PLEKHH1: variants seen among roughly 807,000 people sequenced by gnomAD.
PLEKHH1 encodes the protein pleckstrin homology domain-containing family H member 1.
Under a neutral mutation model 160.0 loss-of-function variants are expected in PLEKHH1, and 104 were observed. The observed-to-expected ratio is 0.65, with a 90% CI of 0.55 to 0.76. PLEKHH1 has a LOEUF of 0.76. Among genes scored for constraint, PLEKHH1 ranks in the 30% least tolerant of loss-of-function variants. The pLI is 0.00. For synonymous variants in PLEKHH1, 619 were observed against 678.4 expected (o/e 0.91, Z 1.36); for missense variants, 1,427 against 1,724.1 (o/e 0.83, Z 3.05).
chr14:67,536,048 G>C lies in PLEKHH1; in HGVS notation c.-35+2650G>C, dbSNP rs573478803. Among the ~76,000 whole-genome samples, 22 of 152,326 alleles carry C rather than the reference G, an allele frequency of 1.4e-4. No individual in the cohort carries two copies. In the South Asian group the frequency reaches 4.6e-3, roughly 32 times the overall value. On this transcript the variant is annotated intron_variant, in intron 1 of 28. Transcript: ENST00000329153. Reference sequence around the variant, plus strand: ...TTCAAACCCAGGCCTGTCAGTGCCAGAGCATGGGATCTTAGGTACTAAGCT... The same window carrying C: ...TTCAAACCCAGGCCTGTCAGTGCCACAGCATGGGATCTTAGGTACTAAGCT...
chr14:67,566,772 G>A (rs186838203), intron 7 of PLEKHH1, among the ~76,000 whole-genome samples: 1 of 151,102 alleles, frequency 6.6e-6, no homozygotes, highest in East Asian at 2.0e-4. Flanking sequence ...AAAAGAGTGG[G>A]TCTTCTCTAT....
chr14:67,572,317 TGCA>T, intron 11 of PLEKHH1, 40 bp downstream of exon 11: 1 of 1,521,300 alleles, frequency 6.6e-7, no homozygotes, highest in Non-Finnish European at 8.8e-7. Flanking sequence ...GGAAGCAGAA[TGCA>T]GCAGAGGCTG....
intron 1 of PLEKHH1, among the ~76,000 whole-genome samples, chr14:67,539,233 T>G (rs1387316800): frequency 1.3e-5 from 2 of 152,172 alleles, no homozygotes; most frequent in Non-Finnish European, 2.9e-5. Context: ...CAAGGTTCTG[T>G]TTTGTCTTTT....
chr14:67,564,577 C>G (rs1438907356), intron 7 of PLEKHH1, among the ~76,000 whole-genome samples: 1 of 152,102 alleles, frequency 6.6e-6, no homozygotes, highest in African/African-American at 2.4e-5. Flanking sequence ...CCTACTTCAG[C>G]CTTCTAAGTA....
At chr14:67,554,415 G>T (rs1370249541) in intron 2 of PLEKHH1, among the ~76,000 whole-genome samples, 3 of 152,208 alleles carry the variant, frequency 2.0e-5, no homozygotes, top group Non-Finnish European at 1.5e-5. Flanking sequence ...AACTTGGGAA[G>T]TGAGGGGCAC....
chr14:67,568,797 T>G (rs2035232282), intron 7 of PLEKHH1, among the ~76,000 whole-genome samples: 1 of 151,996 alleles, frequency 6.6e-6, no homozygotes, highest in Non-Finnish European at 1.5e-5. Context: ...AGAGCAACAG[T>G]TTACTGACCC....
At chr14:67,585,248 T>A (rs896592610) in intron 26 of PLEKHH1, 2 of 228,140 alleles carry the variant, frequency 8.8e-6, no homozygotes, top group Non-Finnish European at 1.7e-5. Flanking sequence ...CAGCTAGGGC[T>A]GGCCTCTATT....
rs764026420 is a variant in PLEKHH1, at chr14:67,549,293, CAG to C, written c.127-6529_127-6528del. 9.8e-4 allele frequency among the ~76,000 whole-genome samples: 145 copies of C among 148,244 alleles called. 1 individual carries two copies. Among genetic ancestry groups the C allele is most frequent in the Admixed American group, 2.9e-3 (43 of 14,738 alleles). On this transcript the variant is annotated intron_variant, in intron 2 of 28. Transcript: ENST00000329153. Reference sequence around the variant, plus strand: ...TTTTAATTTTTTTTTTTTTTTGAGACAGAGTCTCACTTTGTCACCTAGGCTGG... The same window carrying C: ...TTTTAATTTTTTTTTTTTTTTGAGACAGTCTCACTTTGTCACCTAGGCTGG...
intron 9 of PLEKHH1, chr14:67,571,389 C>A (rs1252136048): frequency 4.8e-6 from 1 of 209,674 alleles, no homozygotes; most frequent in Non-Finnish European, 9.9e-6. Flanking sequence ...GAGATGCAAT[C>A]ATTGATTGTT....
At chr14:67,575,575 A>G in intron 15 of PLEKHH1, 103 bp downstream of exon 15, 1 of 801,218 alleles carries the variant, frequency 1.2e-6, no homozygotes, top group Non-Finnish European at 2.2e-6. Context: ...GTAACCCCAC[A>G]ATAAATACAA....
At position 67,587,251 on chromosome 14, in the gene PLEKHH1, G is replaced by A. The variant is rs781434020; in HGVS notation, c.*16G>A. The A allele has an allele frequency of 2.0e-5, 32 of 1,613,062 alleles. No individual in the cohort carries two copies. The African/African-American group carries it at 2.9e-4, about 15-fold the overall frequency. On this transcript the variant is annotated 3_prime_UTR_variant, in exon 29 of 29. Transcript: ENST00000329153. ...GTTGCTGTGAATATTTCTCCTACCC[G>A]ATTCCCCAACACCACTAGTGCCTCT...
chr14:67,581,823 T>C (rs2035915137), intron 23 of PLEKHH1: 1 of 449,318 alleles, frequency 2.2e-6, no homozygotes, highest in Non-Finnish European at 4.1e-6. Context: ...CCTTACTAAA[T>C]CCAGTAAGCT....
intron 9 of PLEKHH1, 101 bp downstream of exon 9, chr14:67,570,113 A>C: frequency 2.4e-6 from 2 of 849,564 alleles, no homozygotes; most frequent in South Asian, 2.9e-5. Context: ...GCTTCTGCAC[A>C]TGGTGACCCT....
intron 4 of PLEKHH1, among the ~76,000 whole-genome samples, chr14:67,558,595 A>T (rs901967230): frequency 6.6e-6 from 1 of 152,182 alleles, no homozygotes; most frequent in Non-Finnish European, 1.5e-5. Flanking sequence ...GGTCAGAAAA[A>T]AGGTCATTTT....
intron 9 of PLEKHH1, 48 bp from the exon 10 acceptor site, chr14:67,571,704 G>C: frequency 6.3e-7 from 1 of 1,593,810 alleles, no homozygotes; most frequent in Non-Finnish European, 8.6e-7. Context: ...GTTGGGAGAG[G>C]ACTGTTTTGC....
At chr14:67,550,193 A>AT (rs367843292) in intron 2 of PLEKHH1, among the ~76,000 whole-genome samples, 1 of 150,026 alleles carries the variant, frequency 6.7e-6, no homozygotes, top group African/African-American at 2.4e-5. Flanking sequence ...TTGTCTTTAT[A>AT]TTTTTTATTT....
At chr14:67,585,316 A>G (rs964619227) in intron 26 of PLEKHH1, 5 of 470,286 alleles carry the variant, frequency 1.1e-5, no homozygotes, top group Non-Finnish European at 1.9e-5. Context: ...TAGGGACATC[A>G]AAAGAATGAT....
chr14:67,550,846 T>C (rs971534791), intron 2 of PLEKHH1, among the ~76,000 whole-genome samples: 2 of 152,218 alleles, frequency 1.3e-5, no homozygotes, highest in Non-Finnish European at 2.9e-5. Flanking sequence ...TGAATCTTAG[T>C]AACTGTGTGA....
Position 67,562,759 on chromosome 14 carries a change from G to A in PLEKHH1, c.1128G>A (p.Lys376=), listed in dbSNP as rs767699118. Residue 376 remains lysine (K), a synonymous_variant, in exon 7 of 29, where the codon AAG becomes AAA. Coordinates refer to ENST00000329153, the MANE Select transcript of PLEKHH1 (RefSeq NM_020715.3). The part of the protein sequence containing the change: ...SRARSREEPE[K]MEMEEPPPAG... ...CTAGGTCCCGGGAGGAACCAGAGAA[G>A]ATGGAGATGGAGGAGCCACCCCCAG... The A allele has an allele frequency of 7.4e-6, 12 of 1,613,858 alleles. No homozygotes were observed. The highest frequency in any genetic ancestry group is 8.5e-6 in the Non-Finnish European group (10 of 1,179,864).
Sources: allele counts gnomAD v4.1 joint callset (sites outside exome capture counted in the v4.1 genomes callset), GRCh38; gene constraint gnomAD v4.1.1; transcripts MANE v1.5; gene names NCBI Gene and HGNC (gene_info 2026-07-23, HGNC 2026-07-21).